Variants in PRDM16 observed in about 807,000 individuals in gnomAD.
The protein encoded by PRDM16 is PR/SET domain 16.
A neutral mutation model predicts 110.6 loss-of-function variants in PRDM16; 23 were observed. That is an observed-to-expected ratio of 0.21 (90% CI 0.15 to 0.29). The LOEUF (loss-of-function observed/expected upper bound fraction) is 0.29. PRDM16 is among the 10% of genes least tolerant of loss of function. The pLI is 1.00. For missense variants in PRDM16, 1,615 were observed against 1,794.3 expected (o/e 0.90, Z 1.81); for synonymous variants, 799 against 781.8 (o/e 1.02, Z -0.37).
intron 3 of PRDM16, among the ~76,000 whole-genome samples, chr1:3,319,641 C>T (rs1156714989): frequency 6.6e-6 from 1 of 152,146 alleles, no homozygotes; most frequent in Non-Finnish European, 1.5e-5. Flanking sequence ...CCTCTCTCCT[C>T]TAATCTACCC....
rs971071945 is a variant in PRDM16, at chr1:3,081,014, A to G, written c.37+11718A>G. Among the ~76,000 whole-genome samples, 3 of 152,074 alleles carry G rather than the reference A, an allele frequency of 2.0e-5. No individual in the cohort carries two copies. The highest frequency in any genetic ancestry group is 7.2e-5 in the African/African-American group (3 of 41,390). ...CTCATGAACAAAAGGCCTAAAAAAA[A>G]GCAGAGAGTAAGGGAGCTCAGAGAA... On this transcript the variant is annotated intron_variant, in intron 1 of 16. Transcript: ENST00000270722. This position sits in a 1 kb window ranked among gnomAD's most constrained non-coding sequence, Gnocchi z 4.6.
chr1:3,189,079 CCTT>C (rs773766809), intron 2 of PRDM16, among the ~76,000 whole-genome samples: 5 of 152,240 alleles, frequency 3.3e-5, no homozygotes, highest in African/African-American at 9.6e-5. Flanking sequence ...GCGGGTGACT[CCTT>C]CTCTGAGGAC....
At position 3,181,495 on chromosome 1, in the gene PRDM16, C is replaced by T. The variant is rs1341505002; in HGVS notation, c.38-4630C>T. Among the ~76,000 whole-genome samples, 5 of 67,498 alleles carry T rather than the reference C, an allele frequency of 7.4e-5. 2 individuals are homozygous for T. Among genetic ancestry groups the T allele is most frequent in the African/African-American group, 2.2e-4 (5 of 22,430 alleles). The allele number at this position is 67,498 out of a possible 152,430, so 44.3% of individuals were successfully genotyped here. On this transcript the variant is annotated intron_variant, in intron 1 of 16. Transcript: ENST00000270722. ...ACACGCAGTCTTACACACAGCCTTA[C>T]GCATGGTCTTACACACGCAGTCTTA...
At chr1:3,114,281 CACGCAGTG>C in intron 1 of PRDM16, among the ~76,000 whole-genome samples, 1 of 144,354 alleles carries the variant, frequency 6.9e-6, no homozygotes, top group African/African-American at 2.6e-5. Flanking sequence ...CACACGCACA[CACGCAGTG>C]GAAACGCACA....
rs1419423731 is a variant in PRDM16 at position 3,213,807 on chromosome 1, A to C, written c.387+27333A>C. On this transcript the variant is annotated intron_variant, in intron 2 of 16. Transcript: ENST00000270722. The surrounding 1 kb of genome is among the most constrained non-coding windows in gnomAD (Gnocchi z 5.3). ...CAAGGTCAGCCAGGGCCGTAGACCA[A>C]GGACTCCCGAGGCCAAGCCGGTGCC... 2.0e-5 allele frequency among the ~76,000 whole-genome samples: 3 copies of C among 152,088 alleles called. No individual in the cohort carries two copies. The highest frequency in any genetic ancestry group is 4.4e-5 in the Non-Finnish European group (3 of 67,988).
intron 1 of PRDM16, among the ~76,000 whole-genome samples, chr1:3,085,886 C>G (rs1260276051): frequency 6.6e-6 from 1 of 152,248 alleles, no homozygotes; most frequent in Non-Finnish European, 1.5e-5. Context: ...CTCCCCAGAG[C>G]TGCTTGGCGT....
At chr1:3,146,195 C>T (rs977235649) in intron 1 of PRDM16, among the ~76,000 whole-genome samples, 3 of 152,248 alleles carry the variant, frequency 2.0e-5, no homozygotes, top group Non-Finnish European at 4.4e-5. Context: ...CCGCCCACCC[C>T]AACTCCTTAC....
intron 2 of PRDM16, among the ~76,000 whole-genome samples, chr1:3,204,090 C>T (rs940705010): frequency 2.6e-5 from 4 of 152,232 alleles, no homozygotes; most frequent in African/African-American, 7.2e-5. Context: ...GACATATGAA[C>T]GGTGGTGCCA....
At chr1:3,086,509 G>T (rs1374759536) in intron 1 of PRDM16, among the ~76,000 whole-genome samples, 1 of 151,970 alleles carries the variant, frequency 6.6e-6, no homozygotes, top group Non-Finnish European at 1.5e-5. Context: ...TCCTCCCTCC[G>T]CTACTGGCCT....
intron 1 of PRDM16, among the ~76,000 whole-genome samples, chr1:3,093,047 C>T (rs1001050410): frequency 1.3e-5 from 2 of 152,184 alleles, no homozygotes; most frequent in African/African-American, 4.8e-5. Flanking sequence ...AACATGGGGC[C>T]AGCCCTGGCT....
chr1:3,111,275 C>T (rs951936374), intron 1 of PRDM16, among the ~76,000 whole-genome samples: 2 of 151,948 alleles, frequency 1.3e-5, no homozygotes, highest in Admixed American at 6.5e-5. Flanking sequence ...TCGGCCACGG[C>T]CTTAGTGGGG....
chr1:3,256,050 G>A (rs970645678), intron 3 of PRDM16, among the ~76,000 whole-genome samples: 7 of 152,220 alleles, frequency 4.6e-5, no homozygotes, highest in African/African-American at 1.7e-4. Context: ...ACTGGGACTG[G>A]AGAACAGCTC....
At chr1:3,132,661 A>T (rs1167953558) in intron 1 of PRDM16, among the ~76,000 whole-genome samples, 1 of 152,228 alleles carries the variant, frequency 6.6e-6, no homozygotes, top group Non-Finnish European at 1.5e-5. Flanking sequence ...CACCCGGTTC[A>T]TACTGTTGCC....
chr1:3,265,306 G>T lies in PRDM16; in HGVS notation c.438+21169G>T, dbSNP rs143831420. ...GCAGGGGGAGCGGACAGGAATGCAG[G>T]TGTGGGTGGGAAGGGGCTGAAAACG... On this transcript the variant is annotated intron_variant, in intron 3 of 16. Transcript: ENST00000270722. The surrounding 1 kb of genome is among the most constrained non-coding windows in gnomAD (Gnocchi z 4.5). 4.6e-5 allele frequency among the ~76,000 whole-genome samples: 7 copies of T among 152,212 alleles called. No homozygotes were observed. Among genetic ancestry groups the T allele is most frequent in the African/African-American group, 1.7e-4 (7 of 41,518 alleles).
chr1:3,334,408 C>A (rs1027821508), intron 3 of PRDM16, among the ~76,000 whole-genome samples: 1 of 152,202 alleles, frequency 6.6e-6, no homozygotes. Flanking sequence ...CCCACCCCCC[C>A]ACATTCTCTG....
intron 1 of PRDM16, among the ~76,000 whole-genome samples, chr1:3,152,332 CCATT>C (rs1255292394): frequency 6.7e-6 from 1 of 150,106 alleles, no homozygotes; most frequent in Non-Finnish European, 1.5e-5. Context: ...ATCCATCCAT[CCATT>C]TATCTATGCA....
At chr1:3,136,327 G>A (rs563510990) in intron 1 of PRDM16, among the ~76,000 whole-genome samples, 3 of 152,332 alleles carry the variant, frequency 2.0e-5, no homozygotes, top group South Asian at 2.1e-4. Flanking sequence ...CCTCAGACCC[G>A]CTGTCCGGGG....
At chr1:3,279,398 C>A (rs1640661491) in intron 3 of PRDM16, among the ~76,000 whole-genome samples, 1 of 152,232 alleles carries the variant, frequency 6.6e-6, no homozygotes, top group Non-Finnish European at 1.5e-5. Context: ...CTGTGCTGAG[C>A]AGTGTCAGCC....
chr1:3,212,624 T>C (rs865784044), intron 2 of PRDM16, among the ~76,000 whole-genome samples: 4 of 145,140 alleles, frequency 2.8e-5, no homozygotes, highest in South Asian at 2.3e-4. Context: ...GCTGAGGTCC[T>C]CCCGCTCATC....
Sources: allele counts gnomAD v4.1 joint callset (sites outside exome capture counted in the v4.1 genomes callset), GRCh38; gene constraint gnomAD v4.1.1; non-coding constraint Gnocchi (gnomAD v3.1); transcripts MANE v1.5; gene names NCBI Gene and HGNC (gene_info 2026-07-23, HGNC 2026-07-21).